Variants in TBC1D5 observed in about 807,000 individuals in gnomAD.
TBC1D5 encodes the protein TBC1 domain family member 5.
Under a neutral mutation model 100.3 loss-of-function variants are expected in TBC1D5, and 75 were observed. The observed-to-expected ratio is 0.75, with a 90% confidence interval of 0.62 to 0.91. The LOEUF (loss-of-function observed/expected upper bound fraction) is 0.91. Among genes scored for constraint, TBC1D5 ranks in the 40% least tolerant of loss-of-function variants. The probability of loss-of-function intolerance (pLI) is 0.00; values close to 1 mark genes in which losing one functional copy is unlikely to be tolerated. For missense variants in TBC1D5, 910 were observed against 942.4 expected, an observed-to-expected ratio of 0.97 and a Z score of 0.45; for synonymous variants, 323 against 325.6, an observed-to-expected ratio of 0.99 and a Z score of 0.09.
chr3:17,401,416 T>C (rs1012060392), intron 8 of TBC1D5, among the ~76,000 whole-genome samples: 2 of 151,544 alleles, frequency 1.3e-5, no homozygotes, highest in African/African-American at 4.8e-5. Flanking sequence ...TATCTGTGTA[T>C]ATATCTTGCA....
At chr3:17,459,572 T>A (rs1462993026) in intron 3 of TBC1D5, among the ~76,000 whole-genome samples, 2 of 152,166 alleles carry the variant, frequency 1.3e-5, no homozygotes, top group Non-Finnish European at 2.9e-5. Flanking sequence ...CCATTACATA[T>A]TTTTATGGAG....
In TBC1D5 at chr3:17,202,456, G is replaced by T. The variant is rs942254146; in HGVS notation, c.1752+11751C>A. ...GTAGAAAAGAAAAATCCATGTTCCT[G>T]GGAGGGATTCAAGCTGGCTGCAGAA... On this transcript the variant is annotated intron_variant, in intron 18 of 21. Transcript: ENST00000253692. Among the ~76,000 whole-genome samples the T allele has an allele frequency of 3.3e-5, 5 of 152,220 alleles. No individual in the cohort carries two copies. The East Asian group carries it at 9.6e-4, about 29-fold the overall frequency.
Position 17,728,738 on chromosome 3 carries a change from C to A in TBC1D5, c.-101+10605G>T, listed in dbSNP as rs541310968. On this transcript the variant is annotated intron_variant, in intron 1 of 21. Transcript: ENST00000253692. The stretch of plus-strand genomic sequence containing the variant: ...ACAGAAAAAATATTTTCAAATAGGT[C>A]AAAGACTTATACATAAAAATATGAA... Among the ~76,000 whole-genome samples, 10 of 151,708 alleles carry A rather than the reference C, an allele frequency of 6.6e-5. No homozygotes were observed. In the East Asian group the frequency reaches 1.7e-3, roughly 26 times the overall value.
At chr3:17,651,279 AAGAAG>A (rs572380757) in intron 1 of TBC1D5, among the ~76,000 whole-genome samples, 80 of 152,342 alleles carry the variant, frequency 5.3e-4, no homozygotes, top group Non-Finnish European at 7.1e-4. Context: ...ATCAGTTTCC[AAGAAG>A]AGAAAACAGA....
At position 17,244,119 on chromosome 3, in the gene TBC1D5, T is replaced by G. The variant is rs148832640; in HGVS notation, c.1332-5700A>C. 6.6e-5 allele frequency among the ~76,000 whole-genome samples: 10 copies of G among 152,320 alleles called. No homozygotes were observed. In the East Asian group the frequency reaches 1.9e-3, roughly 29 times the overall value. ...TACAAAAGCTATGACATAGGAAATC[T>G]TATCTAGTGATAAAACAGGCTTCAT... On this transcript the variant is annotated intron_variant, in intron 16 of 21. Transcript: ENST00000253692.
At chr3:17,253,950 T>A (rs1453299234) in intron 16 of TBC1D5, among the ~76,000 whole-genome samples, 1 of 152,198 alleles carries the variant, frequency 6.6e-6, no homozygotes, top group Non-Finnish European at 1.5e-5. Context: ...CAGGTTCCTA[T>A]ATGAGAGAGC....
intron 1 of TBC1D5, among the ~76,000 whole-genome samples, chr3:17,721,001 G>A (rs2075653011): frequency 6.6e-6 from 1 of 151,750 alleles, no homozygotes. Context: ...TACAACGCCT[G>A]AGTAATTTTT....
chr3:17,184,632 A>G (rs982151858), intron 19 of TBC1D5: 1 of 152,104 alleles, frequency 6.6e-6, no homozygotes, highest in African/African-American at 2.4e-5. Flanking sequence ...GGTTTAAGCA[A>G]TATTTCCATC....
At chr3:17,414,015 A>C (rs944649135) in intron 4 of TBC1D5, among the ~76,000 whole-genome samples, 2 of 152,206 alleles carry the variant, frequency 1.3e-5, no homozygotes, top group Non-Finnish European at 2.9e-5. Flanking sequence ...GTGGAAGAAA[A>C]AAGAGATAAG....
At chr3:17,308,110 T>C in exon 14 of TBC1D5, 1 of 1,595,908 alleles carries the variant, frequency 6.3e-7, no homozygotes. Context: ...GGAACTCTCG[T>C]CCAAATAGCA....
chr3:17,587,758 C>G (rs2096741443), intron 2 of TBC1D5, among the ~76,000 whole-genome samples: 1 of 151,954 alleles, frequency 6.6e-6, no homozygotes, highest in Non-Finnish European at 1.5e-5. Flanking sequence ...ATATCATCAG[C>G]TGCTCCTTGC....
chr3:17,297,335 G>A (rs2082352185), intron 14 of TBC1D5, among the ~76,000 whole-genome samples: 1 of 152,180 alleles, frequency 6.6e-6, no homozygotes, highest in Non-Finnish European at 1.5e-5. Context: ...CCAGAACTTT[G>A]GAAGGCCAAG....
chr3:17,335,141 A>T (rs1035431244), intron 13 of TBC1D5, among the ~76,000 whole-genome samples: 2 of 152,228 alleles, frequency 1.3e-5, no homozygotes, highest in Admixed American at 1.3e-4. Flanking sequence ...ATTTTAATGG[A>T]TTGGTATTAC....
exon 22 of TBC1D5, chr3:17,160,952 G>A: frequency 6.2e-7 from 1 of 1,610,266 alleles, no homozygotes; most frequent in Non-Finnish European, 8.5e-7. Flanking sequence ...GGGCAGGACT[G>A]GGCACTGTGG....
At chr3:17,408,127 C>T (rs9810675) in intron 4 of TBC1D5, among the ~76,000 whole-genome samples, 59,781 of 151,818 alleles carry the variant, frequency 0.39, 12,423 homozygotes, top group Middle Eastern at 0.46. Flanking sequence ...TAGTTACTTA[C>T]TAGATGTGCA....
intron 2 of TBC1D5, among the ~76,000 whole-genome samples, chr3:17,534,387 G>A (rs1218913054): frequency 1.3e-5 from 2 of 152,146 alleles, no homozygotes; most frequent in African/African-American, 4.8e-5. Flanking sequence ...GAATGTATAT[G>A]TATATAAGTC....
intron 17 of TBC1D5, among the ~76,000 whole-genome samples, chr3:17,230,856 T>C (rs1257607839): frequency 2.6e-5 from 4 of 152,206 alleles, no homozygotes; most frequent in Non-Finnish European, 5.9e-5. Flanking sequence ...TAGTCTCTTA[T>C]ATAAAATGGT....
At chr3:17,291,942 C>T (rs958420824) in exon 15 of TBC1D5, 1 of 1,613,808 alleles carries the variant, frequency 6.2e-7, no homozygotes, top group African/African-American at 1.3e-5. Flanking sequence ...GAGTGTACAT[C>T]CCCGATGAAT....
At chr3:17,592,871 G>T (rs909789469) in intron 2 of TBC1D5, among the ~76,000 whole-genome samples, 1 of 152,164 alleles carries the variant, frequency 6.6e-6, no homozygotes, top group Admixed American at 6.6e-5. Context: ...ACAGCTTTTG[G>T]CCTGTTACTA....
Sources: allele counts gnomAD v4.1 joint callset (sites outside exome capture counted in the v4.1 genomes callset), GRCh38; gene constraint gnomAD v4.1.1; transcripts MANE v1.5; gene names NCBI Gene and HGNC (gene_info 2026-07-23, HGNC 2026-07-21).